Variants in TYR observed in about 807,000 individuals in gnomAD.
TYR encodes tyrosinase, also known as LB24-AB.
A neutral mutation model predicts 51.5 loss-of-function variants in TYR; 58 were observed. The ratio of observed to expected loss-of-function variants is 1.13; its 90% CI spans 0.91 to 1.40. TYR has a LOEUF of 1.40. Among genes scored for constraint, TYR ranks in the 40% most tolerant of loss-of-function variants. The probability of loss-of-function intolerance (pLI) is 0.00; values close to 1 mark genes in which losing one functional copy is unlikely to be tolerated. For missense variants in TYR, 732 were observed against 647.4 expected (o/e 1.13, Z -1.42); for synonymous variants, 263 against 235.2 (o/e 1.12, Z -1.08).
chr11:89,220,480 G>T (rs1367376606), intron 2 of TYR, among the ~76,000 whole-genome samples: 2 of 152,184 alleles, frequency 1.3e-5, no homozygotes, highest in South Asian at 4.1e-4. Flanking sequence ...TGACATTTGG[G>T]CTAGGACACA....
chr11:89,254,266 G>A (rs1412119535), intron 3 of TYR, among the ~76,000 whole-genome samples: 8 of 151,574 alleles, frequency 5.3e-5, no homozygotes, highest in Admixed American at 5.3e-4. Context: ...TGTTCACCAG[G>A]GATATTGGTC....
intron 3 of TYR, among the ~76,000 whole-genome samples, chr11:89,275,761 T>C (rs1179238880): frequency 6.6e-6 from 1 of 151,698 alleles, no homozygotes; most frequent in Non-Finnish European, 1.5e-5. Context: ...AACAGTCAGA[T>C]TGGTTATAGC....
intron 3 of TYR, among the ~76,000 whole-genome samples, chr11:89,234,109 T>G (rs932919320): frequency 6.9e-6 from 1 of 144,074 alleles, no homozygotes; most frequent in South Asian, 2.3e-4. Flanking sequence ...TATCTAAATC[T>G]TCTGGATAAC....
At chr11:89,208,553 A>G (rs1488714794) in intron 2 of TYR, among the ~76,000 whole-genome samples, 3 of 152,202 alleles carry the variant, frequency 2.0e-5, no homozygotes, top group South Asian at 2.1e-4. Context: ...CATTATACAA[A>G]CAGCTATTAT....
chr11:89,190,957 C>G (rs1368598359), intron 1 of TYR, among the ~76,000 whole-genome samples: 3 of 152,072 alleles, frequency 2.0e-5, no homozygotes, highest in Admixed American at 1.3e-4. Flanking sequence ...ACCAAACAGC[C>G]AAGATGTTTA....
intron 3 of TYR, among the ~76,000 whole-genome samples, chr11:89,271,282 G>A (rs557530536): frequency 1.3e-5 from 2 of 151,736 alleles, no homozygotes; most frequent in Non-Finnish European, 2.9e-5. Context: ...TACAGTGCAA[G>A]CATAACTCTA....
chr11:89,201,453 T>C (rs1565395627), intron 2 of TYR, among the ~76,000 whole-genome samples: 1 of 152,180 alleles, frequency 6.6e-6, no homozygotes, highest in Non-Finnish European at 1.5e-5. Context: ...GCATAAATAG[T>C]GCATATGTAG....
chr11:89,224,216 A>C (rs948255870), intron 2 of TYR, among the ~76,000 whole-genome samples: 1 of 152,170 alleles, frequency 6.6e-6, no homozygotes, highest in Non-Finnish European at 1.5e-5. Flanking sequence ...GCAACTATTT[A>C]CCACATGCAA....
At chr11:89,277,059 T>C (rs146513825) in intron 3 of TYR, among the ~76,000 whole-genome samples, 3,816 of 151,920 alleles carry the variant, frequency 0.025, 156 homozygotes, top group African/African-American at 0.086. Flanking sequence ...TTCCTTATTT[T>C]ATTTTTGTTC....
intron 3 of TYR, among the ~76,000 whole-genome samples, chr11:89,250,166 T>A (rs1944314402): frequency 6.6e-6 from 1 of 152,050 alleles, no homozygotes; most frequent in Admixed American, 6.6e-5. Context: ...GGTCTGAATT[T>A]AGGAAGCATG....
At chr11:89,192,261 T>G (rs1334362349) in intron 2 of TYR, among the ~76,000 whole-genome samples, 1 of 152,134 alleles carries the variant, frequency 6.6e-6, no homozygotes, top group Non-Finnish European at 1.5e-5. Context: ...TTCACTCACA[T>G]AAATTTGCAT....
chr11:89,225,377 T>A (rs1184932002), intron 2 of TYR, among the ~76,000 whole-genome samples: 2 of 151,866 alleles, frequency 1.3e-5, no homozygotes, highest in Non-Finnish European at 2.9e-5. Flanking sequence ...CCTGAACTTA[T>A]TCCTCCTATC....
chr11:89,264,651 G>T (rs967845274), intron 3 of TYR, among the ~76,000 whole-genome samples: 3 of 150,664 alleles, frequency 2.0e-5, no homozygotes, highest in East Asian at 2.0e-4. Context: ...CAATAGCAAA[G>T]ACATGGAATC....
chr11:89,212,059 C>T (rs1943765440), intron 2 of TYR, among the ~76,000 whole-genome samples: 1 of 151,982 alleles, frequency 6.6e-6, no homozygotes, highest in South Asian at 2.1e-4. Flanking sequence ...AGAGCAAACA[C>T]ATTTAAAAGC....
intron 4 of TYR, among the ~76,000 whole-genome samples, chr11:89,288,181 G>A (rs900961183): frequency 1.3e-5 from 2 of 151,900 alleles, no homozygotes; most frequent in African/African-American, 4.8e-5. Flanking sequence ...AGATCCTAAT[G>A]CGAGAGACAT....
At chr11:89,184,871 A>G (rs1181914779) in intron 1 of TYR, among the ~76,000 whole-genome samples, 1 of 152,202 alleles carries the variant, frequency 6.6e-6, no homozygotes, top group Non-Finnish European at 1.5e-5. Context: ...CCAAAAATTA[A>G]GAGTAGGTTC....
chr11:89,178,603 G>C lies in TYR; in HGVS notation c.650G>C (p.Arg217Pro), dbSNP rs61754365. The C allele has an allele frequency of 6.2e-7, 1 of 1,612,568 alleles. No individual in the cohort carries two copies. Among genetic ancestry groups the C allele is most frequent in the Non-Finnish European group, 8.5e-7 (1 of 1,179,202 alleles). The stretch of plus-strand genomic sequence containing the variant: ...CCTTGGCATAGACTCTTCTTGTTGC[G>C]GTGGGAACAAGAAATCCAGAAGCTG... Reference protein sequence around the residue: ...FLPWHRLFLLRWEQEIQKLTG... With the variant: ...FLPWHRLFLLPWEQEIQKLTG... The change falls in exon 1 of 5, where the codon CGG (arginine) becomes CCG (proline). Residue 217 changes from arginine (R) to proline (P), a missense_variant. Physicochemically the swap from Arg to Pro is moderately radical, Grantham distance 103. Coordinates refer to ENST00000263321, the MANE Select transcript of TYR (RefSeq NM_000372.5).
chr11:89,225,136 T>G (rs937352491), intron 2 of TYR, among the ~76,000 whole-genome samples: 19 of 151,950 alleles, frequency 1.3e-4, no homozygotes, highest in African/African-American at 4.6e-4. Context: ...GGCTACTTAT[T>G]CTTTTCCCTT....
rs1419699321 is a variant in TYR, at chr11:89,295,437, A to T, written c.*71A>T. On this transcript the variant is annotated 3_prime_UTR_variant, in exon 5 of 5. Coordinates refer to ENST00000263321, the MANE Select transcript of TYR (RefSeq NM_000372.5). ...AACTCAAAGTAATGTCCAGGTTCCC[A>T]GAGAATATCTGCTGGTATTTTTCTG... 10 of 1,545,076 alleles carry T rather than the reference A, an allele frequency of 6.5e-6. No homozygotes were observed. The African/African-American group carries it at 1.1e-4, about 17-fold the overall frequency.
Sources: allele counts gnomAD v4.1 joint callset (sites outside exome capture counted in the v4.1 genomes callset), GRCh38; gene constraint gnomAD v4.1.1; transcripts MANE v1.5; gene names NCBI Gene and HGNC (gene_info 2026-07-23, HGNC 2026-07-21).